The following AKR1C1 variants were observed in gnomAD, a reference collection of about 807,000 sequenced individuals.
AKR1C1 encodes aldo-keto reductase family 1 member C1.
A neutral mutation model predicts 40.6 loss-of-function variants in AKR1C1; 32 were observed. That is an observed-to-expected ratio of 0.79 (90% CI 0.60 to 1.06). AKR1C1 has a LOEUF of 1.06. Ranked by LOEUF, AKR1C1 falls within the 50% of genes least tolerant of loss-of-function variation. The pLI, the probability that AKR1C1 is intolerant of heterozygous loss-of-function variation, is 0.00. For missense variants in AKR1C1, 320 were observed against 363.5 expected (o/e 0.88, Z 0.97); for synonymous variants, 105 against 134.2 (o/e 0.78, Z 1.50).
rs763132488 is a variant in AKR1C1 at position 4,968,805 on chromosome 10, C to A, written c.448-17C>A. 6.2e-7 allele frequency: 1 copy of A among 1,614,178 alleles called. No individual in the cohort carries two copies. Among genetic ancestry groups the A allele is most frequent in the South Asian group, 1.1e-5 (1 of 91,084 alleles). On this transcript the variant is annotated splice_polypyrimidine_tract_variant and intron_variant, in intron 4 of 8. Transcript: ENST00000380872. ...ATTTATCTTGATCTTCCACACCTCACAATTCCTTTTTCCCAGGCCGTGGAG... is the reference window on the plus strand; with the variant it reads ...ATTTATCTTGATCTTCCACACCTCAAAATTCCTTTTTCCCAGGCCGTGGAG...
intron 8 of AKR1C1, among the ~76,000 whole-genome samples, chr10:4,977,221 A>G (rs1356296643): frequency 5.9e-5 from 9 of 152,250 alleles, no homozygotes; most frequent in Non-Finnish European, 7.3e-5. Context: ...ACATTTCTGA[A>G]TCTAACCAAC....
chr10:4,979,114 T>C lies in AKR1C1; in HGVS notation c.*1372T>C, dbSNP rs1836573987. On this transcript the variant is annotated 3_prime_UTR_variant, in exon 9 of 9. Coordinates refer to ENST00000380872, the MANE Select transcript of AKR1C1 (RefSeq NM_001353.6). ...TCCTTCTCAAGCCATGTCTCAGAGC[T>C]GAGAGGCATCCCAGCAAGTTTTGCA... The C allele has an allele frequency of 6.6e-6, 1 of 152,222 alleles. No homozygotes were observed. The highest frequency in any genetic ancestry group is 6.5e-5 in the Admixed American group (1 of 15,284). 9.4% of individuals were successfully genotyped at this position (152,222 alleles called of 1,614,324 possible). A position where few individuals can be genotyped will look rare whatever the true frequency, so the allele number is the denominator to read the frequency against.
chr10:4,973,163 T>C (rs1451573786), intron 7 of AKR1C1, among the ~76,000 whole-genome samples: 1 of 131,462 alleles, frequency 7.6e-6, no homozygotes, highest in African/African-American at 3.2e-5. Context: ...TGTTTAACTC[T>C]GCCTTTTTTT....
At chr10:4,975,496 A>G (rs1836513417) in intron 7 of AKR1C1, among the ~76,000 whole-genome samples, 1 of 152,176 alleles carries the variant, frequency 6.6e-6, no homozygotes, top group Non-Finnish European at 1.5e-5. Flanking sequence ...CAAACCTACT[A>G]AATTATGCTA....
At position 4,977,709 on chromosome 10, in the gene AKR1C1, C is replaced by G. The variant is rs565923680; in HGVS notation, c.939C>G (p.Gly313=). The G allele has an allele frequency of 1.6e-5, 26 of 1,610,014 alleles. No homozygotes were observed. The highest frequency in any genetic ancestry group is 2.2e-5 in the Non-Finnish European group (26 of 1,178,978). ...VRYLTLDIFA[G]PPNYPFSDEY ...TTTTTTCTCTTTCCAGTTTTGCTGG[C>G]CCCCCTAATTATCCATTTTCTGATG... is the stretch of plus-strand genomic sequence containing the variant. The change falls in exon 9 of 9, where the codon GGC becomes GGG. Residue 313 remains glycine (G), a synonymous_variant. Coordinates refer to ENST00000380872, the MANE Select transcript of AKR1C1 (RefSeq NM_001353.6).
intron 8 of AKR1C1, among the ~76,000 whole-genome samples, chr10:4,976,873 A>G (rs1836533707): frequency 6.6e-6 from 1 of 152,238 alleles, no homozygotes; most frequent in Non-Finnish European, 1.5e-5. Context: ...TTAGAGGAAA[A>G]TACAAAATGA....
intron 1 of AKR1C1, among the ~76,000 whole-genome samples, chr10:4,965,140 T>C (rs1377706424): frequency 2.6e-5 from 4 of 152,232 alleles, no homozygotes; most frequent in Non-Finnish European, 5.9e-5. Flanking sequence ...TGACAAAATA[T>C]GATTCCGGGT....
rs189934077 is a variant in AKR1C1 at position 4,964,750 on chromosome 10, A to G, written c.85-1164A>G. Among the ~76,000 whole-genome samples, 4 of 152,286 alleles carry G rather than the reference A, an allele frequency of 2.6e-5. No individual in the cohort carries two copies. In the East Asian group the frequency reaches 7.7e-4, roughly 29 times the overall value. Reference sequence around the variant, plus strand: ...GCTAATCACTTACTCCTTGCAGTCTATTTCTTATACAAATCAATATCCTTA... The same window carrying G: ...GCTAATCACTTACTCCTTGCAGTCTGTTTCTTATACAAATCAATATCCTTA... On this transcript the variant is annotated intron_variant, in intron 1 of 8. Coordinates refer to ENST00000380872, the MANE Select transcript of AKR1C1 (RefSeq NM_001353.6).
At chr10:4,968,226 G>A in intron 3 of AKR1C1, 83 bp from the exon 4 acceptor site, 1 of 1,399,578 alleles carries the variant, frequency 7.1e-7, no homozygotes, top group East Asian at 2.3e-5. Flanking sequence ...TGGAGGATTA[G>A]TGTCCTTAAA....
At position 4,966,019 on chromosome 10, in the gene AKR1C1, G is replaced by C; in HGVS notation, c.190G>C (p.Ala64Pro). ...LYNNEEQVGL[A>P]IRSKIADGSV... ...CAATAATGAGGAGCAGGTTGGACTGGCCATCCGAAGCAAGATTGCAGATGG... is the reference window on the plus strand; with the variant it reads ...CAATAATGAGGAGCAGGTTGGACTGCCCATCCGAAGCAAGATTGCAGATGG... Residue 64 changes from alanine (A) to proline (P), a missense_variant, in exon 2 of 9, where the codon GCC (alanine) becomes CCC (proline). By Grantham distance (27) the Ala-to-Pro change is conservative. This residue lies in a region of AKR1C1 where 214 missense variants were observed against 214.8 expected (regional missense o/e 1.00). Transcript: ENST00000380872. 1 of 1,614,182 alleles carries C rather than the reference G, an allele frequency of 6.2e-7. No homozygotes were observed. The highest frequency in any genetic ancestry group is 8.5e-7 in the Non-Finnish European group (1 of 1,180,024).
Position 4,972,502 on chromosome 10 carries a change from G to A in AKR1C1, c.681-82G>A, listed in dbSNP as rs1187645244. 2.5e-6 allele frequency: 4 copies of A among 1,608,704 alleles called. No homozygotes were observed. The African/African-American group carries it at 4.0e-5, about 16-fold the overall frequency. ...GCTTGAGAAGCTCCGGTGCAGAGTG[G>A]ACGCCTTAGTCTGTTTAGGGAGCCG... On this transcript the variant is annotated intron_variant, in intron 6 of 8. Coordinates refer to ENST00000380872, the MANE Select transcript of AKR1C1 (RefSeq NM_001353.6).
intron 7 of AKR1C1, among the ~76,000 whole-genome samples, chr10:4,973,645 A>G (rs1554770141): frequency 6.6e-6 from 1 of 152,036 alleles, no homozygotes. Context: ...AAAAGACACC[A>G]CCTCTTGTTG....
At chr10:4,965,612 A>G (rs1329856320) in intron 1 of AKR1C1, 3 of 253,610 alleles carry the variant, frequency 1.2e-5, no homozygotes, top group Admixed American at 5.1e-5. Context: ...GATTATATCT[A>G]TAACTATAGG....
intron 1 of AKR1C1, among the ~76,000 whole-genome samples, chr10:4,965,043 G>T (rs1836309143): frequency 6.6e-6 from 1 of 152,230 alleles, no homozygotes. Flanking sequence ...CTGCGAAGCA[G>T]AGTGAGTCAA....
At chr10:4,975,209 G>A (rs1836508670) in intron 7 of AKR1C1, among the ~76,000 whole-genome samples, 2 of 151,912 alleles carry the variant, frequency 1.3e-5, no homozygotes, top group Admixed American at 6.6e-5. Flanking sequence ...CATTCATCAA[G>A]TGTTACATTG....
chr10:4,978,022 A>G lies in AKR1C1; in HGVS notation c.*280A>G. On this transcript the variant is annotated 3_prime_UTR_variant, in exon 9 of 9. Coordinates refer to ENST00000380872, the MANE Select transcript of AKR1C1 (RefSeq NM_001353.6). ...TCCTTCTGACACACTAGTGCCCCTA[A>G]ATTGTGATTTGCCTATACGTTTAGG... 1 of 476,474 alleles carries G rather than the reference A, an allele frequency of 2.1e-6. No individual in the cohort carries two copies. Among genetic ancestry groups the G allele is most frequent in the Non-Finnish European group, 3.7e-6 (1 of 268,028 alleles). The allele number at this position is 476,474 out of a possible 1,614,324, so 29.5% of individuals were successfully genotyped here.
intron 7 of AKR1C1, among the ~76,000 whole-genome samples, chr10:4,972,956 A>G (rs1836462830): frequency 6.6e-6 from 1 of 152,250 alleles, no homozygotes; most frequent in African/African-American, 2.4e-5. Context: ...GATCAAAACT[A>G]CAGATTTGGG....
At chr10:4,969,666 C>G in intron 5 of AKR1C1, 1 of 1,610,322 alleles carries the variant, frequency 6.2e-7, no homozygotes, top group Non-Finnish European at 8.5e-7. Flanking sequence ...CTATGTGTTC[C>G]TTTTGTAGCC....
chr10:4,970,726 C>T (rs770807088), intron 5 of AKR1C1, among the ~76,000 whole-genome samples: 163 of 147,812 alleles, frequency 1.1e-3, no homozygotes, highest in Non-Finnish European at 2.1e-3. Context: ...AACCAAACAC[C>T]GCATATTCTC....
Sources: gnomAD v4.1 joint callset for allele counts (sites outside exome capture counted in the v4.1 genomes callset) on GRCh38, gnomAD v4.1.1 for gene constraint, gnomAD v4.1.1 regional missense constraint, MANE v1.5 for transcripts, NCBI Gene and HGNC (gene_info 2026-07-23, HGNC 2026-07-21) for gene names.